The following CAMK1D variants were observed in gnomAD, a reference collection of about 807,000 sequenced individuals.
CAMK1D encodes the protein calcium/calmodulin dependent protein kinase ID.
Under a neutral mutation model 47.7 loss-of-function variants are expected in CAMK1D, and 9 were observed. The observed-to-expected ratio is 0.19, with a 90% CI of 0.11 to 0.33. The LOEUF is 0.33. Among genes scored for constraint, CAMK1D ranks in the 10% least tolerant of loss-of-function variants. CAMK1D has a pLI of 1.00. For missense variants in CAMK1D, 291 were observed against 488.7 expected (o/e 0.60, Z 3.81); for synonymous variants, 184 against 184.9 (o/e 0.99, Z 0.04).
chr10:12,813,692 A>C (rs7080278), intron 6 of CAMK1D, among the ~76,000 whole-genome samples: 1,783 of 152,212 alleles, frequency 0.012, 39 homozygotes, highest in African/African-American at 0.04. Context: ...ATCCTTGCGG[A>C]ATGTGTGCTT....
intron 3 of CAMK1D, among the ~76,000 whole-genome samples, chr10:12,715,922 C>T (rs1834115690): frequency 6.6e-6 from 1 of 151,914 alleles, no homozygotes; most frequent in South Asian, 2.1e-4. Context: ...GTTGGCCAGG[C>T]TGGTCTCAAA....
rs1833415149 is a variant in CAMK1D, at chr10:12,831,307, AT to A, written c.*2422del. The A allele has an allele frequency of 6.6e-6, 1 of 152,222 alleles. No individual in the cohort carries two copies. The allele number at this position is 152,222 out of a possible 1,614,324, so 9.4% of individuals were successfully genotyped here. ...GCTTACTAAGAAGTGTCTTGGAAAC[AT>A]TCGAGTTCATACAGTGCATGACAAA... On this transcript the variant is annotated 3_prime_UTR_variant, in exon 11 of 11. Coordinates refer to ENST00000619168, the MANE Select transcript of CAMK1D (RefSeq NM_153498.4).
chr10:12,586,054 G>A (rs891064995), intron 2 of CAMK1D, among the ~76,000 whole-genome samples: 6 of 152,096 alleles, frequency 3.9e-5, no homozygotes, highest in African/African-American at 9.7e-5. Flanking sequence ...TATGACAAAC[G>A]GTTGCTTGGA....
chr10:12,363,093 A>C (rs1225885408), intron 1 of CAMK1D, among the ~76,000 whole-genome samples: 1 of 151,734 alleles, frequency 6.6e-6, no homozygotes, highest in African/African-American at 2.4e-5. Context: ...GGTGCACGCC[A>C]GCACACCCAG....
chr10:12,608,605 C>G lies in CAMK1D; in HGVS notation c.224+55249C>G, dbSNP rs142264228. Among the ~76,000 whole-genome samples the G allele has an allele frequency of 3.2e-3, 481 of 152,330 alleles. 4 individuals carry two copies. Among genetic ancestry groups the G allele is most frequent in the African/African-American group, 0.011 (465 of 41,570 alleles). On this transcript the variant is annotated intron_variant, in intron 2 of 10. Coordinates refer to ENST00000619168, the MANE Select transcript of CAMK1D (RefSeq NM_153498.4). ...AAATGGCATCTGCAAAGAGCCACCA[C>G]TACAGATGAGCAAGATGTTTAAAGT...
At chr10:12,572,323 C>T (rs1439785198) in intron 2 of CAMK1D, among the ~76,000 whole-genome samples, 2 of 152,192 alleles carry the variant, frequency 1.3e-5, no homozygotes, top group Non-Finnish European at 2.9e-5. Context: ...GTGGTACTTC[C>T]TCCTTAGGTC....
intron 3 of CAMK1D, among the ~76,000 whole-genome samples, chr10:12,745,342 T>G (rs1017882399): frequency 2.6e-5 from 4 of 152,184 alleles, no homozygotes; most frequent in Non-Finnish European, 5.9e-5. Flanking sequence ...TCTGCTGTAT[T>G]TTTTAAGACC....
chr10:12,694,732 CAGAG>C (rs1833191986), intron 3 of CAMK1D, among the ~76,000 whole-genome samples: 1 of 150,716 alleles, frequency 6.6e-6, no homozygotes, highest in South Asian at 2.1e-4. Context: ...TCACCCAAGA[CAGAG>C]AGAAAATTAT....
intron 2 of CAMK1D, among the ~76,000 whole-genome samples, chr10:12,574,844 CAGGA>C: frequency 6.6e-6 from 1 of 152,240 alleles, no homozygotes; most frequent in Non-Finnish European, 1.5e-5. Context: ...ACATGCTCCT[CAGGA>C]GCAGGAGCCG....
intron 3 of CAMK1D, among the ~76,000 whole-genome samples, chr10:12,683,503 G>A (rs935107769): frequency 3.9e-5 from 6 of 152,090 alleles, no homozygotes; most frequent in African/African-American, 1.4e-4. Flanking sequence ...AAGATGGACC[G>A]ATGGATAATG....
At position 12,809,990 on chromosome 10, in the gene CAMK1D, T is replaced by TA. The variant is rs566941641; in HGVS notation, c.642-4196dup. Among the ~76,000 whole-genome samples the TA allele has an allele frequency of 1.0e-2, 1,492 of 149,540 alleles. 21 individuals carry two copies. The highest frequency in any genetic ancestry group is 0.044 in the East Asian group (220 of 5,030). On this transcript the variant is annotated intron_variant, in intron 6 of 10. Transcript: ENST00000619168. ...TGGCAAAACCCTGTCTCTACAAAAA[T>TA]AAAAAAAAATAGCTGGGCATGGTGG... is the stretch of plus-strand genomic sequence containing the variant.
chr10:12,401,216 TTATATATATTATA>T (rs1296748321), intron 1 of CAMK1D, among the ~76,000 whole-genome samples: 971 of 35,656 alleles, frequency 0.027, 193 homozygotes, highest in African/African-American at 0.1. Context: ...AATATATGTA[TTATATATATTATA>T]TATATATTTT....
chr10:12,780,015 C>T (rs1022004413), intron 5 of CAMK1D, among the ~76,000 whole-genome samples: 2 of 152,144 alleles, frequency 1.3e-5, no homozygotes. Flanking sequence ...TATCTTTGGT[C>T]TAACTCGGCC....
At chr10:12,640,472 ATGTT>A (rs1171493288) in intron 2 of CAMK1D, among the ~76,000 whole-genome samples, 2 of 152,104 alleles carry the variant, frequency 1.3e-5, no homozygotes, top group Admixed American at 6.5e-5. Flanking sequence ...TACTGTGTGT[ATGTT>A]GTATGGATGG....
chr10:12,526,192 A>G (rs1588592855), intron 1 of CAMK1D, among the ~76,000 whole-genome samples: 1 of 152,242 alleles, frequency 6.6e-6, no homozygotes, highest in African/African-American at 2.4e-5. Context: ...TCAGAGGGCA[A>G]GTCTGTCCTG....
intron 1 of CAMK1D, among the ~76,000 whole-genome samples, chr10:12,375,100 C>G (rs1307209052): frequency 6.6e-6 from 1 of 152,080 alleles, no homozygotes; most frequent in Non-Finnish European, 1.5e-5. Flanking sequence ...TGCGCCTGAG[C>G]TGTTTTGCTT....
intron 1 of CAMK1D, among the ~76,000 whole-genome samples, chr10:12,442,472 C>T (rs1432715208): frequency 6.6e-6 from 1 of 152,172 alleles, no homozygotes; most frequent in Non-Finnish European, 1.5e-5. Context: ...CAGAGAGAGG[C>T]TGTGTCTCAA....
chr10:12,685,681 G>A lies in CAMK1D; in HGVS notation c.299+18871G>A, dbSNP rs117980639. 9.6e-3 allele frequency among the ~76,000 whole-genome samples: 1,467 copies of A among 152,288 alleles called. 16 individuals carry two copies. Among genetic ancestry groups the A allele is most frequent in the Non-Finnish European group, 0.013 (895 of 68,020 alleles). On this transcript the variant is annotated intron_variant, in intron 3 of 10. Coordinates refer to ENST00000619168, the MANE Select transcript of CAMK1D (RefSeq NM_153498.4). ...AAAGTCACCCTAGGCCTTCTCGCTGGTGATTCACTGTCTCCCTGTTCTCAA... is the reference window on the plus strand; with the variant it reads ...AAAGTCACCCTAGGCCTTCTCGCTGATGATTCACTGTCTCCCTGTTCTCAA...
chr10:12,769,616 A>G, intron 4 of CAMK1D, 57 bp from the exon 5 acceptor site: 1 of 1,592,580 alleles, frequency 6.3e-7, no homozygotes, highest in Admixed American at 1.7e-5. Flanking sequence ...TGAGTCTTCC[A>G]CAATTAACCC....
Sources: gnomAD v4.1 joint callset for allele counts (sites outside exome capture counted in the v4.1 genomes callset) on GRCh38, gnomAD v4.1.1 for gene constraint, MANE v1.5 for transcripts, NCBI Gene and HGNC (gene_info 2026-07-23, HGNC 2026-07-21) for gene names.